The following PAPPA variants were observed in gnomAD, a reference collection of about 807,000 sequenced individuals.
PAPPA encodes the protein pappalysin 1.
A neutral mutation model predicts 164.0 loss-of-function variants in PAPPA; 60 were observed. The observed-to-expected ratio is 0.37, with a 90% CI of 0.30 to 0.45. PAPPA has a LOEUF of 0.45. Among genes scored for constraint, PAPPA ranks in the 20% least tolerant of loss-of-function variants. The pLI is 1.00. For synonymous variants in PAPPA, 875 were observed against 814.1 expected, an observed-to-expected ratio of 1.07 and a Z score of -1.27; for missense variants, 1,782 against 2,087.3, an observed-to-expected ratio of 0.85 and a Z score of 2.85.
Position 116,399,309 on chromosome 9 carries a change from TAGG to T in PAPPA, c.*2694_*2696del, listed in dbSNP as rs1212486874. ...ACAAATTTATATTTGCCAAGGATAT[TAGG>T]CAAAAGAGGCTACTTGATTGGTGGC... On this transcript the variant is annotated 3_prime_UTR_variant, in exon 22 of 22. Coordinates refer to ENST00000328252, the MANE Select transcript of PAPPA (RefSeq NM_002581.5). 1 of 152,680 alleles carries T rather than the reference TAGG, an allele frequency of 6.5e-6. No homozygotes were observed. Among genetic ancestry groups the T allele is most frequent in the African/African-American group, 2.4e-5 (1 of 41,450 alleles). 9.5% of individuals were successfully genotyped at this position (152,680 alleles called of 1,614,324 possible).
intron 4 of PAPPA, 67 bp from the exon 5 acceptor site, chr9:116,219,870 C>T: frequency 6.6e-6 from 9 of 1,361,032 alleles, no homozygotes; most frequent in South Asian, 1.3e-5. Context: ...CAGGAGCCGT[C>T]ATTACTCTCT....
intron 1 of PAPPA, among the ~76,000 whole-genome samples, chr9:116,180,950 T>C (rs1460749294): frequency 6.6e-6 from 1 of 152,226 alleles, no homozygotes; most frequent in Admixed American, 6.5e-5. Flanking sequence ...GTACCTATTG[T>C]AGCAGATTGC....
At chr9:116,166,082 G>A (rs1035428016) in intron 1 of PAPPA, among the ~76,000 whole-genome samples, 1 of 152,150 alleles carries the variant, frequency 6.6e-6, no homozygotes, top group Admixed American at 6.5e-5. Flanking sequence ...AAGAGCTCAG[G>A]AACCTTAGGC....
At chr9:116,289,561 C>A (rs1845410148) in intron 9 of PAPPA, among the ~76,000 whole-genome samples, 1 of 151,866 alleles carries the variant, frequency 6.6e-6, no homozygotes, top group Admixed American at 6.6e-5. Flanking sequence ...AGTCAGAACC[C>A]TTGACCTCTA....
chr9:116,279,384 C>T lies in PAPPA; in HGVS notation c.2953+7968C>T, dbSNP rs1198389420. Reference sequence around the variant, plus strand: ...CATTCAAACACCCTTGAGTCAGCACCGGTTAGGATCAAGCTTGCCATCCTG... The same window carrying T: ...CATTCAAACACCCTTGAGTCAGCACTGGTTAGGATCAAGCTTGCCATCCTG... On this transcript the variant is annotated intron_variant, in intron 9 of 21. Coordinates refer to ENST00000328252, the MANE Select transcript of PAPPA (RefSeq NM_002581.5). Among the ~76,000 whole-genome samples the T allele has an allele frequency of 5.3e-5, 8 of 152,198 alleles. No individual in the cohort carries two copies. The East Asian group carries it at 1.4e-3, about 26-fold the overall frequency.
chr9:116,273,046 C>T (rs1188493534), intron 9 of PAPPA, among the ~76,000 whole-genome samples: 2 of 152,108 alleles, frequency 1.3e-5, no homozygotes, highest in Non-Finnish European at 2.9e-5. Flanking sequence ...TGTCGTCATC[C>T]TTATGGCAAC....
chr9:116,350,564 G>A (rs1474368104), intron 15 of PAPPA, among the ~76,000 whole-genome samples: 2 of 152,160 alleles, frequency 1.3e-5, no homozygotes, highest in African/African-American at 2.4e-5. Context: ...AGAAAACCAC[G>A]ACTTTCACTT....
At chr9:116,260,593 G>A (rs7045774) in intron 7 of PAPPA, among the ~76,000 whole-genome samples, 2,083 of 152,178 alleles carry the variant, frequency 0.014, 43 homozygotes, top group African/African-American at 0.048. Context: ...ACCTACACAC[G>A]TTCTCAGTGC....
intron 4 of PAPPA, among the ~76,000 whole-genome samples, chr9:116,214,147 C>T (rs912951547): frequency 1.3e-5 from 2 of 152,166 alleles, no homozygotes; most frequent in African/African-American, 4.8e-5. Context: ...CTCTACTACC[C>T]ATGTGGTAAC....
intron 10 of PAPPA, 22 bp from the exon 11 acceptor site, chr9:116,331,222 T>G: frequency 7.1e-7 from 1 of 1,404,680 alleles, no homozygotes; most frequent in Non-Finnish European, 1.0e-6. Context: ...AACATGATTA[T>G]TTTTTCTTTA....
chr9:116,378,197 C>T (rs1167039700), intron 20 of PAPPA, among the ~76,000 whole-genome samples: 3 of 152,142 alleles, frequency 2.0e-5, no homozygotes, highest in Non-Finnish European at 4.4e-5. Context: ...GCCTTTATAA[C>T]CCTTAAATTC....
At chr9:116,263,133 G>C (rs1443317993) in intron 7 of PAPPA, among the ~76,000 whole-genome samples, 1 of 152,068 alleles carries the variant, frequency 6.6e-6, no homozygotes, top group African/African-American at 2.4e-5. Flanking sequence ...TTAAGCTTCT[G>C]GAAAACAATG....
chr9:116,392,548 C>G (rs192713358), intron 21 of PAPPA, among the ~76,000 whole-genome samples: 124 of 152,322 alleles, frequency 8.1e-4, no homozygotes, highest in African/African-American at 2.9e-3. Context: ...ACCGCTTGAG[C>G]CTGCATGAAC....
intron 9 of PAPPA, among the ~76,000 whole-genome samples, chr9:116,299,022 C>T (rs1225268525): frequency 6.6e-6 from 1 of 152,136 alleles, no homozygotes; most frequent in Non-Finnish European, 1.5e-5. Context: ...TATTCCATTC[C>T]TCACTCTGTT....
At chr9:116,306,931 G>C (rs959441340) in intron 10 of PAPPA, among the ~76,000 whole-genome samples, 5 of 152,248 alleles carry the variant, frequency 3.3e-5, no homozygotes, top group African/African-American at 1.2e-4. Context: ...AGGGATTACA[G>C]ACCTTCAGTC....
At chr9:116,200,624 T>C (rs934531897) in intron 2 of PAPPA, among the ~76,000 whole-genome samples, 3 of 152,202 alleles carry the variant, frequency 2.0e-5, no homozygotes, top group African/African-American at 7.2e-5. Context: ...TGTTATCATA[T>C]TATGTTGTGA....
chr9:116,310,445 T>A (rs1053419790), intron 10 of PAPPA, among the ~76,000 whole-genome samples: 8 of 152,112 alleles, frequency 5.3e-5, no homozygotes, highest in Admixed American at 4.6e-4. Flanking sequence ...ATGGTCTAGT[T>A]CAGCCTGTCC....
intron 1 of PAPPA, among the ~76,000 whole-genome samples, chr9:116,168,628 A>G (rs988294849): frequency 7.9e-5 from 12 of 152,190 alleles, no homozygotes; most frequent in East Asian, 7.7e-4. Context: ...GTGTGGGGGT[A>G]TAGTCATGTA....
intron 9 of PAPPA, among the ~76,000 whole-genome samples, chr9:116,292,482 G>A (rs563741785): frequency 3.3e-5 from 5 of 152,240 alleles, no homozygotes; most frequent in South Asian, 4.2e-4. Context: ...TTTGTGTGGT[G>A]TTAAAGGGTG....
Sources: gnomAD v4.1 joint callset for allele counts (sites outside exome capture counted in the v4.1 genomes callset) on GRCh38, gnomAD v4.1.1 for gene constraint, MANE v1.5 for transcripts, NCBI Gene and HGNC (gene_info 2026-07-23, HGNC 2026-07-21) for gene names.